The following ZBTB41 variants were observed in gnomAD, a reference collection of about 807,000 sequenced individuals.
ZBTB41 encodes zinc finger and BTB domain containing 41.
ZBTB41 carries 42 observed loss-of-function variants against 87.6 expected under a neutral mutation model. The observed-to-expected ratio is 0.48, with a 90% CI of 0.37 to 0.62. The LOEUF (loss-of-function observed/expected upper bound fraction) is 0.62, where lower values mean the gene tolerates loss of function less well. ZBTB41 is among the 20% of genes least tolerant of loss of function. The pLI is 0.00. For synonymous variants in ZBTB41, 364 were observed against 364.0 expected, an observed-to-expected ratio of 1.00 and a Z score of 0.00; for missense variants, 799 against 1,078.9, an observed-to-expected ratio of 0.74 and a Z score of 3.63.
In ZBTB41 at chr1:197,200,150, G is replaced by A; in HGVS notation, c.324C>T (p.Val108=). The A allele has an allele frequency of 4.3e-6, 7 of 1,613,880 alleles. No individual in the cohort carries two copies. Among genetic ancestry groups the A allele is most frequent in the Non-Finnish European group, 5.9e-6 (7 of 1,180,012 alleles). ...AACACGCATGAAAATAACTACTGCC[G>A]ACAGCAACGACTACTTTATGTGCAC... ...EFSAHKVVVA[V]GSSYFHACLS... The change falls in exon 2 of 11, where the codon GTC becomes GTT. Residue 108 remains valine (V), a synonymous_variant. Transcript: ENST00000367405.
At chr1:197,168,529 T>C (rs1240969622) in intron 10 of ZBTB41, among the ~76,000 whole-genome samples, 1 of 152,120 alleles carries the variant, frequency 6.6e-6, no homozygotes, top group Non-Finnish European at 1.5e-5. Context: ...AAGGATCATC[T>C]TTCCAAAAAA....
intron 5 of ZBTB41, among the ~76,000 whole-genome samples, chr1:197,182,105 G>A (rs1007049076): frequency 2.0e-5 from 3 of 151,670 alleles, no homozygotes; most frequent in East Asian, 1.9e-4. Context: ...TTGAGAAAAC[G>A]AAAGTCAGTA....
chr1:197,178,647 G>A (rs961450947), intron 6 of ZBTB41, 135 bp from the exon 7 acceptor site: 14 of 567,740 alleles, frequency 2.5e-5, no homozygotes, highest in Admixed American at 1.6e-4. Context: ...CAATAATTTT[G>A]TTCTTTTCTA....
chr1:197,161,937 G>C (rs1030505403), intron 10 of ZBTB41, among the ~76,000 whole-genome samples: 3 of 151,386 alleles, frequency 2.0e-5, no homozygotes, highest in African/African-American at 7.3e-5. Flanking sequence ...TTTAAGTTTT[G>C]AGTGTTCTCT....
intron 5 of ZBTB41, among the ~76,000 whole-genome samples, chr1:197,182,603 A>G (rs1403485514): frequency 1.3e-5 from 2 of 152,104 alleles, no homozygotes; most frequent in African/African-American, 4.8e-5. Context: ...GCCAAACTAC[A>G]ACTTTTGCAC....
At position 197,165,606 on chromosome 1, in the gene ZBTB41, T is replaced by A. The variant is rs1272213985; in HGVS notation, c.2075-5592A>T. On this transcript the variant is annotated intron_variant, in intron 10 of 10. Coordinates refer to ENST00000367405, the MANE Select transcript of ZBTB41 (RefSeq NM_194314.3). The stretch of plus-strand genomic sequence containing the variant: ...GCCTGGGTGACAGAGCGAGACTCTA[T>A]CTCAAAAAAAAAACAAAAAAAACAA... Among the ~76,000 whole-genome samples, 5 of 148,666 alleles carry A rather than the reference T, an allele frequency of 3.4e-5. 1 individual carries two copies. The highest frequency in any genetic ancestry group is 1.2e-4 in the African/African-American group (5 of 40,140).
At chr1:197,162,644 A>T (rs1659229163) in intron 10 of ZBTB41, among the ~76,000 whole-genome samples, 1 of 152,170 alleles carries the variant, frequency 6.6e-6, no homozygotes, top group South Asian at 2.1e-4. Context: ...AAGATAAAAG[A>T]TTTTTAAAAA....
In ZBTB41 at chr1:197,158,921, A is replaced by G. The variant is rs1217202718; in HGVS notation, c.*438T>C. 1 of 156,802 alleles carries G rather than the reference A, an allele frequency of 6.4e-6. No individual in the cohort carries two copies. The highest frequency in any genetic ancestry group is 6.2e-5 in the Admixed American group (1 of 16,148). The allele number at this position is 156,802 out of a possible 1,614,324, so 9.7% of individuals were successfully genotyped here. A position where few individuals can be genotyped will look rare whatever the true frequency, so the allele number is the denominator to read the frequency against. ...ACGTAATATTGAATCTTAGGATAAG[A>G]AACAGTTGCAATTATCAGTGTACTC... On this transcript the variant is annotated 3_prime_UTR_variant, in exon 11 of 11. Transcript: ENST00000367405.
chr1:197,178,850 A>G (rs778268814), intron 6 of ZBTB41, among the ~76,000 whole-genome samples: 16 of 152,174 alleles, frequency 1.1e-4, no homozygotes, highest in Non-Finnish European at 2.4e-4. Flanking sequence ...AGAGGGTTTA[A>G]TAATATTTAA....
At chr1:197,199,244 TAAAC>T in intron 2 of ZBTB41, 106 bp downstream of exon 2, 1 of 1,124,150 alleles carries the variant, frequency 8.9e-7, no homozygotes, top group Non-Finnish European at 1.2e-6. Flanking sequence ...TCTCCCTACT[TAAAC>T]AGTCTTTTTA....
At position 197,200,586 on chromosome 1, in the gene ZBTB41, A is replaced by C. The variant is rs561204405; in HGVS notation, c.-113T>G. 6 of 1,058,174 alleles carry C rather than the reference A, an allele frequency of 5.7e-6. No individual in the cohort carries two copies. The South Asian group carries it at 7.4e-5, about 13-fold the overall frequency. 65.5% of individuals were successfully genotyped at this position (1,058,174 alleles called of 1,614,324 possible). A position where few individuals can be genotyped will look rare whatever the true frequency, so the allele number is the denominator to read the frequency against. Reference sequence around the variant, plus strand: ...CTGAAGGGGCGTGCCCAAGGGTTTCATGGTCTGCAAAAGAGTGAGAACCAC... The same window carrying C: ...CTGAAGGGGCGTGCCCAAGGGTTTCCTGGTCTGCAAAAGAGTGAGAACCAC... On this transcript the variant is annotated 5_prime_UTR_variant, in exon 2 of 11. An upstream start codon of the reference 5' UTR is lost. Transcript: ENST00000367405.
At position 197,156,136 on chromosome 1, in the gene ZBTB41, G is replaced by T. The variant is rs1253591059; in HGVS notation, c.*3223C>A. The T allele has an allele frequency of 6.6e-6, 1 of 151,766 alleles. No individual in the cohort carries two copies. The highest frequency in any genetic ancestry group is 1.5e-5 in the Non-Finnish European group (1 of 67,648). 9.4% of individuals were successfully genotyped at this position (151,766 alleles called of 1,614,324 possible). A position where few individuals can be genotyped will look rare whatever the true frequency, so the allele number is the denominator to read the frequency against. On this transcript the variant is annotated 3_prime_UTR_variant, in exon 11 of 11. Coordinates refer to ENST00000367405, the MANE Select transcript of ZBTB41 (RefSeq NM_194314.3). The stretch of plus-strand genomic sequence containing the variant: ...GTTTGTCAGTATGACTATTCCCAGA[G>T]TATTTTCTTTTGCTCCTATTTTTAT...
intron 10 of ZBTB41, among the ~76,000 whole-genome samples, chr1:197,161,498 C>A (rs946898487): frequency 6.8e-6 from 1 of 147,728 alleles, no homozygotes; most frequent in Non-Finnish European, 1.5e-5. Flanking sequence ...ACCTTCAAAT[C>A]CCACTACCAG....
At chr1:197,194,286 G>A (rs757937769) in intron 2 of ZBTB41, among the ~76,000 whole-genome samples, 1 of 152,066 alleles carries the variant, frequency 6.6e-6, no homozygotes, top group African/African-American at 2.4e-5. Flanking sequence ...CCAAAGTGCT[G>A]GGATTACAGG....
At chr1:197,174,618 C>T (rs529226944) in intron 9 of ZBTB41, among the ~76,000 whole-genome samples, 3 of 152,130 alleles carry the variant, frequency 2.0e-5, no homozygotes, top group Non-Finnish European at 4.4e-5. Flanking sequence ...TAGCACACAG[C>T]GCCTTCAAAT....
chr1:197,200,143 T>C lies in ZBTB41; in HGVS notation c.331A>G (p.Ser111Gly). The C allele has an allele frequency of 6.2e-7, 1 of 1,613,978 alleles. No homozygotes were observed. Among genetic ancestry groups the C allele is most frequent in the Non-Finnish European group, 8.5e-7 (1 of 1,180,032 alleles). The change falls in exon 2 of 11, where the codon AGT becomes GGT. Residue 111 changes from serine to glycine, a missense_variant. Coordinates refer to ENST00000367405, the MANE Select transcript of ZBTB41 (RefSeq NM_194314.3). ...TTGCTCAAACACGCATGAAAATAAC[T>C]ACTGCCGACAGCAACGACTACTTTA... is the stretch of plus-strand genomic sequence containing the variant. Reference protein sequence around the residue: ...AHKVVVAVGSSYFHACLSKNP... With the variant: ...AHKVVVAVGSGYFHACLSKNP...
chr1:197,179,338 T>C (rs144182626), intron 6 of ZBTB41, among the ~76,000 whole-genome samples: 86 of 152,188 alleles, frequency 5.7e-4, no homozygotes, highest in Admixed American at 4.3e-3. Flanking sequence ...CATAGCACAA[T>C]ACATTACTCA....
chr1:197,173,929 G>C (rs1417002107), intron 9 of ZBTB41, among the ~76,000 whole-genome samples: 1 of 152,068 alleles, frequency 6.6e-6, no homozygotes, highest in East Asian at 1.9e-4. Flanking sequence ...ATAATGGGTA[G>C]AAGCCATGAA....
rs375380482 is a variant in ZBTB41 at position 197,181,090 on chromosome 1, C to T, written c.1574G>A (p.Arg525His). ...LGPFPCDICG[R>H]QFNDTGNLKR... ...CAAATTTCCAGTGTCGTTAAACTGG[C>T]GACCACATATATCACATGGAAAAGG... The change falls in exon 6 of 11, where the codon CGC (arginine) becomes CAC (histidine). Residue 525 changes from arginine (R) to histidine (H), a missense_variant. By Grantham distance (29) the Arg-to-His change is conservative. This residue lies in a region of ZBTB41 where 198 missense variants were observed against 358.4 expected (regional missense o/e 0.55). Coordinates refer to ENST00000367405, the MANE Select transcript of ZBTB41 (RefSeq NM_194314.3). 16 of 1,597,828 alleles carry T rather than the reference C, an allele frequency of 1.0e-5. No homozygotes were observed. Among genetic ancestry groups the T allele is most frequent in the African/African-American group, 2.7e-5 (2 of 73,702 alleles).
Sources: gnomAD v4.1 joint callset for allele counts (sites outside exome capture counted in the v4.1 genomes callset) on GRCh38, gnomAD v4.1.1 for gene constraint, gnomAD v4.1.1 regional missense constraint, MANE v1.5 for transcripts, NCBI Gene and HGNC (gene_info 2026-07-23, HGNC 2026-07-21) for gene names.